The following ELAPOR1 variants were observed in gnomAD, a reference collection of about 807,000 sequenced individuals.
ELAPOR1 encodes the protein endosome-lysosome associated apoptosis and autophagy regulator 1.
A neutral mutation model predicts 119.7 loss-of-function variants in ELAPOR1; 77 were observed. The ratio of observed to expected loss-of-function variants is 0.64; its 90% CI spans 0.54 to 0.78. The LOEUF (loss-of-function observed/expected upper bound fraction) is 0.78. Among genes scored for constraint, ELAPOR1 ranks in the 30% least tolerant of loss-of-function variants. The probability of loss-of-function intolerance (pLI) is 0.00; values close to 1 mark genes in which losing one functional copy is unlikely to be tolerated. For missense variants in ELAPOR1, 1,115 were observed against 1,270.4 expected, an observed-to-expected ratio of 0.88 and a Z score of 1.86; for synonymous variants, 481 against 487.2, an observed-to-expected ratio of 0.99 and a Z score of 0.17.
rs141115776 is a variant in ELAPOR1, at chr1:109,165,033, G to T, written c.467+342G>T. Among the ~76,000 whole-genome samples the T allele has an allele frequency of 5.7e-3, 865 of 152,314 alleles. 8 individuals are homozygous for T. Among genetic ancestry groups the T allele is most frequent in the African/African-American group, 0.02 (824 of 41,570 alleles). ...GAGCTGGGCACAGTGACTCACCCCTGTAATCCCAGCACTTTGAGAGGCTAA... is the reference window on the plus strand; with the variant it reads ...GAGCTGGGCACAGTGACTCACCCCTTTAATCCCAGCACTTTGAGAGGCTAA... On this transcript the variant is annotated intron_variant, in intron 3 of 21. Coordinates refer to ENST00000369939, the MANE Select transcript of ELAPOR1 (RefSeq NM_020775.5).
At chr1:109,116,717 G>C (rs1648033321) in intron 1 of ELAPOR1, among the ~76,000 whole-genome samples, 1 of 143,210 alleles carries the variant, frequency 7.0e-6, no homozygotes, top group African/African-American at 2.7e-5. Context: ...GACAGAGTCT[G>C]GCTTTGTTGC....
At chr1:109,115,028 C>G (rs1467419967) in intron 1 of ELAPOR1, among the ~76,000 whole-genome samples, 1 of 152,190 alleles carries the variant, frequency 6.6e-6, no homozygotes, top group Non-Finnish European at 1.5e-5. Context: ...GTCTCCTTCT[C>G]TGACTTAACA....
At chr1:109,157,657 G>A (rs1650967222) in intron 1 of ELAPOR1, among the ~76,000 whole-genome samples, 1 of 152,172 alleles carries the variant, frequency 6.6e-6, no homozygotes, top group South Asian at 2.1e-4. Context: ...GCTTAGGGAA[G>A]TCAAGCACCA....
chr1:109,114,408 C>T (rs1647838963), intron 1 of ELAPOR1, 72 bp downstream of exon 1: 1 of 1,456,164 alleles, frequency 6.9e-7, no homozygotes, highest in Admixed American at 2.6e-5. Context: ...CCTTGGGGAC[C>T]CAGGCGCAGA....
chr1:109,123,866 G>C lies in ELAPOR1; in HGVS notation c.153+9530G>C, dbSNP rs757916461. Among the ~76,000 whole-genome samples, 7 of 151,458 alleles carry C rather than the reference G, an allele frequency of 4.6e-5. No individual in the cohort carries two copies. The East Asian group carries it at 1.4e-3, about 30-fold the overall frequency. The stretch of plus-strand genomic sequence containing the variant: ...TTCCCAGGCTGGAGTGCAATGGCAC[G>C]ATCTTGGCCCACTGCAACCTCCATC... On this transcript the variant is annotated intron_variant, in intron 1 of 21. Coordinates refer to ENST00000369939, the MANE Select transcript of ELAPOR1 (RefSeq NM_020775.5).
chr1:109,117,918 T>C (rs924822618), intron 1 of ELAPOR1, among the ~76,000 whole-genome samples: 3 of 151,960 alleles, frequency 2.0e-5, no homozygotes, highest in Non-Finnish European at 2.9e-5. Flanking sequence ...TCACCTGAGG[T>C]TGGGAGTTCA....
intron 1 of ELAPOR1, among the ~76,000 whole-genome samples, chr1:109,128,681 A>T (rs1648951495): frequency 6.6e-6 from 1 of 152,240 alleles, no homozygotes; most frequent in Non-Finnish European, 1.5e-5. Flanking sequence ...TTAAAAAAGT[A>T]TTAATTTTTA....
chr1:109,201,439 G>A (rs752814215), intron 21 of ELAPOR1: 4 of 449,174 alleles, frequency 8.9e-6, no homozygotes, highest in South Asian at 3.1e-5. Context: ...GCTTATAAAT[G>A]CAATACAGAC....
At chr1:109,185,255 C>T in intron 8 of ELAPOR1, 122 bp downstream of exon 8, 1 of 761,510 alleles carries the variant, frequency 1.3e-6, no homozygotes, top group Admixed American at 2.2e-5. Flanking sequence ...CCCCACAGAC[C>T]TTTGAGGTGA....
rs762556695 is a variant in ELAPOR1, at chr1:109,189,123, G to A, written c.1277G>A (p.Trp426Ter). The change falls in exon 10 of 22, where the codon TGG (tryptophan) becomes TAG (stop). Residue 426 changes from tryptophan to a stop codon, truncating the protein, a stop_gained. Coordinates refer to ENST00000369939, the MANE Select transcript of ELAPOR1 (RefSeq NM_020775.5). LOFTEE classifies it high-confidence loss of function. ...EPAVGFEYKWWNTLPTNMETT... is the reference protein window; with the variant it reads ...EPAVGFEYKW ...GCTGTGGGATTTGAATACAAATGGT[G>A]GAACACGCTGCCCACAAACATGGAA... is the stretch of plus-strand genomic sequence containing the variant. The A allele has an allele frequency of 6.2e-7, 1 of 1,614,148 alleles. No individual in the cohort carries two copies. Among genetic ancestry groups the A allele is most frequent in the South Asian group, 1.1e-5 (1 of 91,076 alleles).
chr1:109,126,629 C>T (rs905560189), intron 1 of ELAPOR1, among the ~76,000 whole-genome samples: 1 of 152,118 alleles, frequency 6.6e-6, no homozygotes, highest in African/African-American at 2.4e-5. Flanking sequence ...CGCCACCATG[C>T]CCAGCTAATT....
intron 7 of ELAPOR1, among the ~76,000 whole-genome samples, chr1:109,182,803 C>G (rs1652775644): frequency 1.3e-5 from 2 of 148,912 alleles, no homozygotes; most frequent in East Asian, 2.0e-4. Context: ...GGAGGCGGAG[C>G]TTGCAGTGAG....
chr1:109,154,619 C>T (rs1428029684), intron 1 of ELAPOR1, among the ~76,000 whole-genome samples: 1 of 152,218 alleles, frequency 6.6e-6, no homozygotes, highest in Non-Finnish European at 1.5e-5. Context: ...TCTGGGCCAT[C>T]CGTTGCAGTC....
At chr1:109,202,916 C>T (rs1358624318) in intron 21 of ELAPOR1, 28 bp from the exon 22 acceptor site, 20 of 1,613,784 alleles carry the variant, frequency 1.2e-5, no homozygotes, top group Non-Finnish European at 1.6e-5. Flanking sequence ...TGTGCAGCAG[C>T]CAGCTCCTGT....
rs1460299879 is a variant in ELAPOR1, at chr1:109,191,888, C to A, written c.1683+25C>A. ...AGTAAGTTCCTCCCCTTCCTCAGACCCCCAGGAGAGACCCTCTGAACCCAG... is the reference window on the plus strand; with the variant it reads ...AGTAAGTTCCTCCCCTTCCTCAGACACCCAGGAGAGACCCTCTGAACCCAG... On this transcript the variant is annotated intron_variant, in intron 13 of 21. Coordinates refer to ENST00000369939, the MANE Select transcript of ELAPOR1 (RefSeq NM_020775.5). 3 of 1,613,334 alleles carry A rather than the reference C, an allele frequency of 1.9e-6. No homozygotes were observed. In the African/African-American group the frequency reaches 4.0e-5, roughly 22 times the overall value.
intron 8 of ELAPOR1, among the ~76,000 whole-genome samples, chr1:109,185,449 G>T (rs1333086209): frequency 6.6e-6 from 1 of 152,166 alleles, no homozygotes; most frequent in Non-Finnish European, 1.5e-5. Context: ...CTGCCTGTCC[G>T]TACACAATGT....
At chr1:109,120,096 C>T (rs909184425) in intron 1 of ELAPOR1, among the ~76,000 whole-genome samples, 2 of 151,872 alleles carry the variant, frequency 1.3e-5, no homozygotes, top group African/African-American at 4.8e-5. Context: ...GATTAGTGCA[C>T]TTATAAAAGA....
rs1431321324 is a variant in ELAPOR1 at position 109,114,323 on chromosome 1, A to G, written c.140A>G (p.His47Arg). Residue 47 changes from histidine (H) to arginine (R), a missense_variant, in exon 1 of 22, where the codon CAT (histidine) becomes CGT (arginine). Coordinates refer to ENST00000369939, the MANE Select transcript of ELAPOR1 (RefSeq NM_020775.5). ...ACCCAGGGAACGGGACCGGAGCTTC[A>G]TGCCTGCAAAGAGGTACTGCCGCCC... is the stretch of plus-strand genomic sequence containing the variant. ...QVTQGTGPEL[H>R]ACKESEYHYE... 6.7e-5 allele frequency: 107 copies of G among 1,597,066 alleles called. No individual in the cohort carries two copies. The highest frequency in any genetic ancestry group is 9.1e-5 in the Non-Finnish European group (107 of 1,171,872).
chr1:109,161,409 C>CAA lies in ELAPOR1; in HGVS notation c.154-462_154-461dup, dbSNP rs59573644. The stretch of plus-strand genomic sequence containing the variant: ...TGGGCGACAGAGCGAGACTCCGTCT[C>CAA]AAAAAAAAAAAAAAAAAAAAAAAAG... On this transcript the variant is annotated intron_variant, in intron 1 of 21. Coordinates refer to ENST00000369939, the MANE Select transcript of ELAPOR1 (RefSeq NM_020775.5). 4.0e-3 allele frequency among the ~76,000 whole-genome samples: 225 copies of CAA among 55,838 alleles called. 1 individual carries two copies. The highest frequency in any genetic ancestry group is 6.3e-3 in the East Asian group (8 of 1,260). 36.6% of individuals were successfully genotyped at this position (55,838 alleles called of 152,430 possible).
Sources: gnomAD v4.1 joint callset for allele counts (sites outside exome capture counted in the v4.1 genomes callset) on GRCh38, gnomAD v4.1.1 for gene constraint, MANE v1.5 for transcripts, NCBI Gene and HGNC (gene_info 2026-07-23, HGNC 2026-07-21) for gene names.